P2RY8: variants seen among roughly 807,000 people sequenced by gnomAD.
The protein encoded by P2RY8 is S-geranylgeranyl-glutathione receptor P2RY8.
P2RY8 carries 6 observed loss-of-function variants against 10.0 expected under a neutral mutation model. That is an observed-to-expected ratio of 0.60 (90% CI 0.33 to 1.19). P2RY8 has a LOEUF of 1.19. Ranked by LOEUF, P2RY8 falls within the 50% of genes most tolerant of loss-of-function variation. P2RY8 has a pLI of 0.04. For synonymous variants in P2RY8, 276 were observed against 252.5 expected (o/e 1.09, Z -0.88); for missense variants, 456 against 542.0 (o/e 0.84, Z 1.58).
chrX:1,529,133 G>A (rs1255788227), intron 1 of P2RY8, among the ~76,000 whole-genome samples: 2 of 152,160 alleles, frequency 1.3e-5, no homozygotes, highest in Non-Finnish European at 2.9e-5. Context: ...GAAAGGTGGA[G>A]AATAAATCCT....
intron 1 of P2RY8, among the ~76,000 whole-genome samples, chrX:1,498,360 C>T (rs1281045304): frequency 2.2e-5 from 3 of 137,320 alleles, no homozygotes; most frequent in South Asian, 2.4e-4. Context: ...GAGCCGAGAT[C>T]GCGCCACTGC....
chrX:1,506,043 A>G (rs2092229818), intron 1 of P2RY8, among the ~76,000 whole-genome samples: 1 of 128,250 alleles, frequency 7.8e-6, no homozygotes, highest in Non-Finnish European at 1.6e-5. Context: ...CCCAGGCTGG[A>G]GTGCAGTGGC....
chrX:1,494,957 A>G (rs773988752), intron 1 of P2RY8, among the ~76,000 whole-genome samples: 1 of 144,604 alleles, frequency 6.9e-6, no homozygotes, highest in South Asian at 2.2e-4. Context: ...ACCTCAGGTG[A>G]TCCACCCGCC....
intron 1 of P2RY8, among the ~76,000 whole-genome samples, chrX:1,470,320 T>G (rs1487221131): frequency 1.3e-5 from 2 of 152,150 alleles, no homozygotes; most frequent in Non-Finnish European, 2.9e-5. Context: ...AAGACCAGCC[T>G]TCCCAACATG....
At chrX:1,534,481 TG>T (rs1465471085) in intron 1 of P2RY8, among the ~76,000 whole-genome samples, 1 of 151,902 alleles carries the variant, frequency 6.6e-6, no homozygotes, top group East Asian at 1.9e-4. Flanking sequence ...CAGGGTGTTG[TG>T]TGTCTCCCAG....
At chrX:1,477,906 G>A (rs1462935574) in intron 1 of P2RY8, among the ~76,000 whole-genome samples, 1 of 152,200 alleles carries the variant, frequency 6.6e-6, no homozygotes, top group Non-Finnish European at 1.5e-5. Flanking sequence ...TCGTGGAAAG[G>A]GACAGTGGTC....
At chrX:1,503,280 C>T (rs1196150831) in intron 1 of P2RY8, among the ~76,000 whole-genome samples, 1 of 152,146 alleles carries the variant, frequency 6.6e-6, no homozygotes, top group African/African-American at 2.4e-5. Flanking sequence ...GACTTCTGGC[C>T]CCCGGAACTG....
intron 1 of P2RY8, among the ~76,000 whole-genome samples, chrX:1,469,489 C>T (rs773303641): frequency 4.6e-5 from 7 of 152,122 alleles, no homozygotes; most frequent in Non-Finnish European, 7.4e-5. Flanking sequence ...TTTTCTTATG[C>T]TTTGCAGGTA....
intron 1 of P2RY8, among the ~76,000 whole-genome samples, chrX:1,499,113 A>G (rs5948916): frequency 0.53 from 79,361 of 150,014 alleles, 21,400 homozygotes; most frequent in Non-Finnish European, 0.59. Context: ...GATTACAGGC[A>G]TGAGCCCCTG....
In P2RY8 at chrX:1,465,725, C is replaced by T; in HGVS notation, c.834G>A (p.Thr278=). The change falls in exon 2 of 2, where the codon ACG becomes ACA. Residue 278 remains threonine (T), a synonymous_variant. Coordinates refer to ENST00000381297, the MANE Select transcript of P2RY8 (RefSeq NM_178129.5). ...AGTTGTTGAGGCAGCTGAGACACAGCGTGAGCTTGTACACGTGGTAGTAGC... is the reference window on the plus strand; with the variant it reads ...AGTTGTTGAGGCAGCTGAGACACAGTGTGAGCTTGTACACGTGGTAGTAGC... ...GKSYYHVYKL[T]LCLSCLNNCL... is the part of the protein sequence containing the mutation. 6.2e-7 allele frequency: 1 copy of T among 1,613,718 alleles called. No homozygotes were observed.
At chrX:1,530,018 T>C (rs1433438337) in intron 1 of P2RY8, among the ~76,000 whole-genome samples, 1 of 152,026 alleles carries the variant, frequency 6.6e-6, no homozygotes, top group African/African-American at 2.4e-5. Flanking sequence ...CCCAAATGTC[T>C]ATAGTGTTGA....
rs1299833147 is a variant in P2RY8 at position 1,488,109 on chromosome X, TA to T, written c.-24-21528del. On this transcript the variant is annotated intron_variant, in intron 1 of 1. Coordinates refer to ENST00000381297, the MANE Select transcript of P2RY8 (RefSeq NM_178129.5). ...TGGCCAACAAGAGCAAAACTCTGTC[TA>T]AAAAAAAAAAAGAAGAAGAAGAGAA... Among the ~76,000 whole-genome samples the T allele has an allele frequency of 1.8e-3, 235 of 131,028 alleles. 1 individual carries two copies. The highest frequency in any genetic ancestry group is 5.3e-3 in the South Asian group (21 of 3,944). 86.0% of individuals were successfully genotyped at this position (131,028 alleles called of 152,430 possible).
intron 1 of P2RY8, among the ~76,000 whole-genome samples, chrX:1,499,902 A>G (rs1197093879): frequency 1.3e-5 from 2 of 151,794 alleles, no homozygotes; most frequent in African/African-American, 4.8e-5. Context: ...TCTGTGGCCC[A>G]GGCTGGAGTG....
At chrX:1,530,620 A>G (rs2092467807) in intron 1 of P2RY8, among the ~76,000 whole-genome samples, 1 of 150,896 alleles carries the variant, frequency 6.6e-6, no homozygotes, top group African/African-American at 2.4e-5. Flanking sequence ...GTATGTGTGT[A>G]TCTATCTATC....
chrX:1,503,820 G>A (rs866228228), intron 1 of P2RY8, among the ~76,000 whole-genome samples: 112 of 152,110 alleles, frequency 7.4e-4, no homozygotes, highest in African/African-American at 2.3e-3. Context: ...ACTTGAACCC[G>A]GGAGGCAGAG....
chrX:1,483,388 A>T (rs2091957063), intron 1 of P2RY8, among the ~76,000 whole-genome samples: 1 of 151,922 alleles, frequency 6.6e-6, no homozygotes. Flanking sequence ...TAATCCCAGC[A>T]CTTTGGGAGG....
chrX:1,479,997 C>T (rs1360517343), intron 1 of P2RY8, among the ~76,000 whole-genome samples: 7 of 152,112 alleles, frequency 4.6e-5, no homozygotes, highest in Non-Finnish European at 1.0e-4. Context: ...AATTTAATAA[C>T]CTTCCCAAAC....
intron 1 of P2RY8, among the ~76,000 whole-genome samples, chrX:1,527,452 T>A (rs1290688292): frequency 1.3e-5 from 2 of 152,108 alleles, no homozygotes. Flanking sequence ...TCCTTATCCA[T>A]CCACTCATCC....
chrX:1,530,289 C>G (rs1234563093), intron 1 of P2RY8, among the ~76,000 whole-genome samples: 2 of 151,170 alleles, frequency 1.3e-5, no homozygotes, highest in Admixed American at 1.3e-4. Flanking sequence ...ATCTATCTAT[C>G]TATCTATCTA....
Sources: allele counts gnomAD v4.1 joint callset (sites outside exome capture counted in the v4.1 genomes callset), GRCh38; gene constraint gnomAD v4.1.1; transcripts MANE v1.5; gene names NCBI Gene and HGNC (gene_info 2026-07-23, HGNC 2026-07-21).